The following ROBO2 variants were observed in gnomAD, a reference collection of about 807,000 sequenced individuals.
The protein encoded by ROBO2 is roundabout homolog 2.
In ROBO2, 53 loss-of-function variants were observed where a neutral mutation model predicts 160.8. The observed-to-expected ratio is 0.33, with a 90% CI of 0.26 to 0.41. The LOEUF (loss-of-function observed/expected upper bound fraction) is 0.41. Ranked by LOEUF, ROBO2 falls within the 10% of genes least tolerant of loss-of-function variation. The pLI is 1.00. For synonymous variants in ROBO2, 664 were observed against 611.7 expected, an observed-to-expected ratio of 1.09 and a Z score of -1.26; for missense variants, 1,577 against 1,722.4, an observed-to-expected ratio of 0.92 and a Z score of 1.49.
At position 77,040,858 on chromosome 3, in the gene ROBO2, A is replaced by G; in HGVS notation, c.61+12A>G. On this transcript the variant is annotated intron_variant, in intron 1 of 25. Transcript: ENST00000461745. ...TGTTCGGGTTGATGGTAAGTTAAAA[A>G]TGCTTTCATCTTTTTTTGCGCCCCC... The G allele has an allele frequency of 6.2e-7, 1 of 1,614,132 alleles. No homozygotes were observed. The highest frequency in any genetic ancestry group is 1.7e-5 in the Admixed American group (1 of 60,010).
Position 77,207,949 on chromosome 3 carries a change from C to T in ROBO2, c.388+109609C>T, listed in dbSNP as rs555099879. ...GAATTGATTTCATACACAACAGGAG[C>T]TTGTGATGGATTCGCTCCCACTGTG... is the stretch of plus-strand genomic sequence containing the variant. On this transcript the variant is annotated intron_variant, in intron 2 of 25. Coordinates refer to ENST00000461745, the Ensembl canonical transcript of ROBO2. Among the ~76,000 whole-genome samples, 62 of 152,320 alleles carry T rather than the reference C, an allele frequency of 4.1e-4. 1 individual carries two copies. Among genetic ancestry groups the T allele is most frequent in the African/African-American group, 1.4e-3 (57 of 41,572 alleles).
chr3:76,083,688 CAA>C (rs2068914820), intron 2 of ROBO2, among the ~76,000 whole-genome samples: 1 of 152,096 alleles, frequency 6.6e-6, no homozygotes, highest in South Asian at 2.1e-4. Flanking sequence ...CCTCCTGTCC[CAA>C]AATTCTACAC....
At chr3:77,232,595 G>T (rs1206660429) in intron 2 of ROBO2, among the ~76,000 whole-genome samples, 1 of 152,142 alleles carries the variant, frequency 6.6e-6, no homozygotes, top group Non-Finnish European at 1.5e-5. Context: ...TGACACATTT[G>T]TATGCTACAT....
intron 2 of ROBO2, among the ~76,000 whole-genome samples, chr3:76,902,685 T>G (rs2148883298): frequency 1.3e-5 from 2 of 151,324 alleles, no homozygotes; most frequent in South Asian, 4.1e-4. Context: ...CATTGCTTAT[T>G]GCAAGAGTAA....
intron 2 of ROBO2, among the ~76,000 whole-genome samples, chr3:76,907,291 C>A (rs114972860): frequency 6.6e-6 from 1 of 152,122 alleles, no homozygotes; most frequent in African/African-American, 2.4e-5. Flanking sequence ...TTGTTTAACA[C>A]GTTAATTTTT....
chr3:77,204,132 G>A (rs2083186620), intron 2 of ROBO2, among the ~76,000 whole-genome samples: 2 of 152,096 alleles, frequency 1.3e-5, no homozygotes. Flanking sequence ...TCTATTTTGA[G>A]TTAGGGCTCC....
At chr3:76,432,589 C>T (rs1400965030) in intron 2 of ROBO2, among the ~76,000 whole-genome samples, 1 of 152,106 alleles carries the variant, frequency 6.6e-6, no homozygotes, top group Non-Finnish European at 1.5e-5. Flanking sequence ...GAGGAGACCT[C>T]AGTTCCCAAC....
chr3:76,818,440 TG>T (rs1209547419), intron 2 of ROBO2, among the ~76,000 whole-genome samples: 4 of 152,120 alleles, frequency 2.6e-5, no homozygotes, highest in Non-Finnish European at 5.9e-5. Context: ...TCTGACTCTG[TG>T]GGTTGTCTTT....
chr3:77,542,832 G>T (rs188596307), intron 6 of ROBO2, among the ~76,000 whole-genome samples: 1 of 152,148 alleles, frequency 6.6e-6, no homozygotes, highest in African/African-American at 2.4e-5. Flanking sequence ...CATCTACATT[G>T]CTTCTAAAGC....
intron 2 of ROBO2, among the ~76,000 whole-genome samples, chr3:76,595,831 A>G (rs1017891427): frequency 9.2e-5 from 14 of 152,104 alleles, no homozygotes; most frequent in Non-Finnish European, 2.1e-4. Context: ...TGTAAACCAT[A>G]TCCTCCAAAT....
At chr3:76,262,552 C>G (rs758245589) in intron 2 of ROBO2, among the ~76,000 whole-genome samples, 1 of 152,130 alleles carries the variant, frequency 6.6e-6, no homozygotes, top group Non-Finnish European at 1.5e-5. Context: ...CTCCTTTACT[C>G]TCCATTTTGT....
At chr3:77,274,039 T>A (rs1178825644) in intron 2 of ROBO2, among the ~76,000 whole-genome samples, 1 of 152,210 alleles carries the variant, frequency 6.6e-6, no homozygotes, top group Admixed American at 6.5e-5. Flanking sequence ...ATGAAGTTAT[T>A]AATAAAATTA....
At chr3:75,950,057 T>C (rs372168760) in intron 2 of ROBO2, among the ~76,000 whole-genome samples, 1 of 152,082 alleles carries the variant, frequency 6.6e-6, no homozygotes, top group South Asian at 2.1e-4. Context: ...TATCACCTAC[T>C]TTCGTCCATT....
intron 5 of ROBO2, among the ~76,000 whole-genome samples, chr3:77,507,229 GT>G (rs2088675143): frequency 6.6e-6 from 1 of 152,124 alleles, no homozygotes; most frequent in South Asian, 2.1e-4. Flanking sequence ...TCAAGAGGAA[GT>G]TTCTCTTGGC....
intron 2 of ROBO2, among the ~76,000 whole-genome samples, chr3:76,767,437 G>A (rs1180832377): frequency 6.6e-6 from 1 of 151,570 alleles, no homozygotes; most frequent in Non-Finnish European, 1.5e-5. Context: ...TTTAAAGTAG[G>A]CATCATGTAC....
At chr3:77,245,341 T>C (rs767682504) in intron 2 of ROBO2, among the ~76,000 whole-genome samples, 1 of 152,182 alleles carries the variant, frequency 6.6e-6, no homozygotes, top group Non-Finnish European at 1.5e-5. Flanking sequence ...TCTAAAGGCC[T>C]TGTGCTGGTT....
chr3:77,542,870 T>C (rs1031191698), intron 6 of ROBO2, among the ~76,000 whole-genome samples: 1 of 115,194 alleles, frequency 8.7e-6, no homozygotes, highest in Non-Finnish European at 2.0e-5. Flanking sequence ...AATCTGATTA[T>C]ATCTTTCTTA....
chr3:76,919,974 G>C (rs2076560139), intron 2 of ROBO2, among the ~76,000 whole-genome samples: 1 of 152,136 alleles, frequency 6.6e-6, no homozygotes, highest in African/African-American at 2.4e-5. Flanking sequence ...CAAAGAAATT[G>C]GACGTAATAG....
exon 21 of ROBO2, chr3:77,607,915 C>T (rs201486215): frequency 1.9e-6 from 3 of 1,613,818 alleles, no homozygotes; most frequent in African/African-American, 1.3e-5. Context: ...CTTCCTGGCA[C>T]GGAGCTGGAA....
Sources: gnomAD v4.1 joint callset for allele counts (sites outside exome capture counted in the v4.1 genomes callset) on GRCh38, gnomAD v4.1.1 for gene constraint, MANE v1.5 for transcripts, NCBI Gene and HGNC (gene_info 2026-07-23, HGNC 2026-07-21) for gene names.